The following SNX29 variants were observed in gnomAD, a reference collection of about 807,000 sequenced individuals.
SNX29 encodes sorting nexin-29.
A neutral mutation model predicts 102.1 loss-of-function variants in SNX29; 78 were observed. The ratio of observed to expected loss-of-function variants is 0.76; its 90% CI spans 0.64 to 0.92. SNX29 has a LOEUF of 0.92. Ranked by LOEUF, SNX29 falls within the 40% of genes least tolerant of loss-of-function variation. The pLI, the probability that SNX29 is intolerant of heterozygous loss-of-function variation, is 0.00. For synonymous variants in SNX29, 580 were observed against 414.5 expected, an observed-to-expected ratio of 1.40 and a Z score of -4.85; for missense variants, 1,280 against 1,061.7, an observed-to-expected ratio of 1.21 and a Z score of -2.86.
intron 1 of SNX29, among the ~76,000 whole-genome samples, chr16:11,988,454 A>T (rs1057194708): frequency 1.3e-5 from 2 of 152,088 alleles, no homozygotes; most frequent in African/African-American, 2.4e-5. Context: ...TTGGAGTGCA[A>T]TGGTGTCATC....
intron 16 of SNX29, among the ~76,000 whole-genome samples, chr16:12,388,304 G>C (rs959478384): frequency 7.9e-5 from 12 of 152,160 alleles, no homozygotes; most frequent in African/African-American, 2.9e-4. Flanking sequence ...TGTAGAATAC[G>C]GGAAACAGGT....
At chr16:12,483,117 T>TTTTTTTTC (rs2088036681) in intron 19 of SNX29, among the ~76,000 whole-genome samples, 1 of 99,064 alleles carries the variant, frequency 1.0e-5, no homozygotes, top group African/African-American at 5.1e-5. Context: ...TTATTAAGTT[T>TTTTTTTTC]TTTTTTTTTT....
At chr16:12,233,157 C>T (rs2142215934) in intron 14 of SNX29, among the ~76,000 whole-genome samples, 1 of 152,278 alleles carries the variant, frequency 6.6e-6, no homozygotes, top group South Asian at 2.1e-4. Flanking sequence ...CCTCCTTCCT[C>T]CCTCCTCCCT....
chr16:12,512,930 A>G (rs1323922054), intron 19 of SNX29, among the ~76,000 whole-genome samples: 2 of 151,916 alleles, frequency 1.3e-5, no homozygotes, highest in Admixed American at 1.3e-4. Context: ...CTTGTTTGGG[A>G]AGTGGTGGCA....
intron 13 of SNX29, among the ~76,000 whole-genome samples, chr16:12,156,413 C>T (rs369170362): frequency 7.2e-5 from 11 of 152,200 alleles, no homozygotes; most frequent in East Asian, 3.9e-4. Flanking sequence ...TCAGGTGATC[C>T]GCCCACCTCA....
chr16:12,459,981 T>C (rs74793812), intron 18 of SNX29, among the ~76,000 whole-genome samples: 2 of 152,172 alleles, frequency 1.3e-5, no homozygotes, highest in South Asian at 2.1e-4. Flanking sequence ...TGGCTCCCAG[T>C]GTGGTTGGAA....
intron 10 of SNX29, among the ~76,000 whole-genome samples, chr16:12,075,510 T>C (rs1750474557): frequency 6.6e-6 from 1 of 152,290 alleles, no homozygotes; most frequent in African/African-American, 2.4e-5. Flanking sequence ...TGCTGTCTGA[T>C]CGTTCCTCTG....
chr16:12,318,702 A>AT (rs202203861), intron 15 of SNX29, among the ~76,000 whole-genome samples: 12,573 of 148,424 alleles, frequency 0.085, 970 homozygotes, highest in East Asian at 0.4. Flanking sequence ...GAAGAGAAGA[A>AT]TTTTTTTTTT....
chr16:12,170,193 C>G (rs558035933), intron 13 of SNX29, among the ~76,000 whole-genome samples: 1 of 152,038 alleles, frequency 6.6e-6, no homozygotes, highest in African/African-American at 2.4e-5. Context: ...GTTGAGAAGC[C>G]TGGCTCTAGA....
At chr16:12,242,215 G>C (rs537467047) in intron 14 of SNX29, among the ~76,000 whole-genome samples, 1 of 152,038 alleles carries the variant, frequency 6.6e-6, no homozygotes, top group East Asian at 1.9e-4. Flanking sequence ...GCTTGTGAGC[G>C]GTGGACTACA....
chr16:12,358,699 G>A (rs1338215256), intron 16 of SNX29, among the ~76,000 whole-genome samples: 2 of 152,202 alleles, frequency 1.3e-5, no homozygotes, highest in Non-Finnish European at 2.9e-5. Context: ...GAAGCATCTG[G>A]ACAGACAGGC....
chr16:12,431,640 C>T (rs77762274), intron 18 of SNX29, among the ~76,000 whole-genome samples: 2,313 of 151,864 alleles, frequency 0.015, 64 homozygotes, highest in African/African-American at 0.052. Context: ...ATCTGTGTTA[C>T]GTAAAGTGTG....
chr16:12,144,415 C>G (rs1317409748), intron 13 of SNX29, among the ~76,000 whole-genome samples: 1 of 152,178 alleles, frequency 6.6e-6, no homozygotes, highest in Admixed American at 6.5e-5. Context: ...CATGTTGAAA[C>G]TTAATTACCA....
chr16:12,566,314 C>T lies in SNX29; in HGVS notation c.2319-2192C>T, dbSNP rs1014827048. Among the ~76,000 whole-genome samples, 11 of 152,204 alleles carry T rather than the reference C, an allele frequency of 7.2e-5. No individual in the cohort carries two copies. In the East Asian group the frequency reaches 9.6e-4, roughly 13 times the overall value. Reference sequence around the variant, plus strand: ...AGAGACACGTGCCTCCAAGCTATGTCCTCTCCCTACCCCTTCATAACAGTC... The same window carrying T: ...AGAGACACGTGCCTCCAAGCTATGTTCTCTCCCTACCCCTTCATAACAGTC... On this transcript the variant is annotated intron_variant, in intron 20 of 20. Transcript: ENST00000566228.
chr16:12,280,492 C>A (rs537633637), intron 15 of SNX29, among the ~76,000 whole-genome samples: 3 of 152,164 alleles, frequency 2.0e-5, no homozygotes, highest in Non-Finnish European at 4.4e-5. Flanking sequence ...GAAGGTTCGT[C>A]TTACTGGCCT....
At chr16:12,372,280 C>G (rs2082714072) in intron 16 of SNX29, among the ~76,000 whole-genome samples, 1 of 152,192 alleles carries the variant, frequency 6.6e-6, no homozygotes, top group Non-Finnish European at 1.5e-5. Flanking sequence ...TCCAAATCTT[C>G]CCCATCCTTC....
chr16:12,568,568 A>T lies in SNX29; in HGVS notation c.2381A>T (p.Lys794Ile). The change falls in exon 21 of 21, where the codon AAA (lysine) becomes ATA (isoleucine). Residue 794 changes from lysine to isoleucine, a missense_variant. Physicochemically the swap from Lys to Ile is moderately radical, Grantham distance 102 (BLOSUM62 -3). Transcript: ENST00000566228. ...CCCAAAGCAGCTTCCCGCTTCCCCA[A>T]ACTGTCCCGGGGTCAGCCCCGGGAG... ...SRPKAASRFP[K>I]LSRGQPRETR... The T allele has an allele frequency of 6.2e-7, 1 of 1,608,230 alleles. No individual in the cohort carries two copies. Among genetic ancestry groups the T allele is most frequent in the East Asian group, 2.2e-5 (1 of 44,840 alleles).
intron 18 of SNX29, among the ~76,000 whole-genome samples, chr16:12,454,484 C>T (rs937803431): frequency 4.6e-5 from 7 of 152,198 alleles, no homozygotes; most frequent in African/African-American, 1.4e-4. Flanking sequence ...TGACATAGCA[C>T]ATGGCGTTTA....
intron 20 of SNX29, among the ~76,000 whole-genome samples, chr16:12,563,399 T>G (rs1041650095): frequency 6.6e-6 from 1 of 152,146 alleles, no homozygotes; most frequent in Non-Finnish European, 1.5e-5. Context: ...ACCATGAAAA[T>G]AGATGGCGAC....
Sources: gnomAD v4.1 joint callset for allele counts (sites outside exome capture counted in the v4.1 genomes callset) on GRCh38, gnomAD v4.1.1 for gene constraint, MANE v1.5 for transcripts, NCBI Gene and HGNC (gene_info 2026-07-23, HGNC 2026-07-21) for gene names.